The following TTN variants were observed in gnomAD, a reference collection of about 807,000 sequenced individuals.
TTN encodes the protein connectin.
Under a neutral mutation model 3,223.0 loss-of-function variants are expected in TTN, and 1,525 were observed. The ratio of observed to expected loss-of-function variants is 0.47; its 90% confidence interval spans 0.45 to 0.49. TTN has a LOEUF of 0.49. Among genes scored for constraint, TTN ranks in the 20% least tolerant of loss-of-function variants. The probability of loss-of-function intolerance (pLI) is 0.00; values close to 1 mark genes in which losing one functional copy is unlikely to be tolerated. For synonymous variants in TTN, 14,094 were observed against 15,161.0 expected (o/e 0.93, Z 5.17); for missense variants, 40,786 against 43,424.0 (o/e 0.94, Z 5.40).
At position 178,679,966 on chromosome 2, in the gene TTN, C is replaced by T. The variant is rs766392287; in HGVS notation, c.33508G>A (p.Glu11170Lys). Residue 11170 changes from glutamate (E) to lysine (K), a missense_variant, in exon 140 of 363, where the codon GAA becomes AAA. Coordinates refer to ENST00000589042, the MANE Select transcript of TTN (RefSeq NM_001267550.2). ...TCTTCTTCATGAATGTACTCTTCTTCTTCTTCTACAAGATATTCTTCTACA... is the reference window on the plus strand; with the variant it reads ...TCTTCTTCATGAATGTACTCTTCTTTTTCTTCTACAAGATATTCTTCTACA... Reference protein sequence around the residue: ...THVEEYLVEEEEEYIHEEEEF... With the variant: ...THVEEYLVEEKEEYIHEEEEF... 10 of 1,613,092 alleles carry T rather than the reference C, an allele frequency of 6.2e-6. No individual in the cohort carries two copies. Among genetic ancestry groups the T allele is most frequent in the Non-Finnish European group, 7.6e-6 (9 of 1,179,428 alleles).
In TTN at chr2:178,723,908, C is replaced by G. The variant is rs757641301; in HGVS notation, c.21351G>C (p.Val7117=). The G allele has an allele frequency of 6.2e-7, 1 of 1,613,404 alleles. No homozygotes were observed. Among genetic ancestry groups the G allele is most frequent in the South Asian group, 1.1e-5 (1 of 91,048 alleles). ...CATCAGACCCAGCGACATTAGCAGCCACGCATGTGTAATTGCCCATATCTG... is the reference window on the plus strand; with the variant it reads ...CATCAGACCCAGCGACATTAGCAGCGACGCATGTGTAATTGCCCATATCTG... ...DSSDMGNYTC[V]AANVAGSDEC... The change falls in exon 73 of 363, where the codon GTG becomes GTC. Residue 7117 remains valine, a synonymous_variant. Transcript: ENST00000589042.
In TTN at chr2:178,799,472, C is replaced by G; in HGVS notation, c.914+15G>C. ...CAAAATGTGCAATAATCTGCTCTCT[C>G]TATGGCAGCTTTACCTGACCGGAGA... On this transcript the variant is annotated intron_variant, in intron 6 of 362. Coordinates refer to ENST00000589042, the MANE Select transcript of TTN (RefSeq NM_001267550.2). 1 of 1,614,084 alleles carries G rather than the reference C, an allele frequency of 6.2e-7. No homozygotes were observed. The highest frequency in any genetic ancestry group is 8.5e-7 in the Non-Finnish European group (1 of 1,180,010).
rs1432889079 is a variant in TTN, at chr2:178,584,726, G to A, written c.64915C>T (p.Arg21639Ter). 5.0e-6 allele frequency: 8 copies of A among 1,613,446 alleles called. No homozygotes were observed. Among genetic ancestry groups the A allele is most frequent in the Non-Finnish European group, 6.8e-6 (8 of 1,179,566 alleles). ...EYIFRVRAEN[R>*]FGISEPLTSP... ...GTGAGAGGCTCTGAAATGCCAAATC[G>A]GTTTTCAGCACGGACCCGGAAGATG... is the stretch of plus-strand genomic sequence containing the variant. Residue 21639 changes from arginine (R) to a stop codon, truncating the protein, a stop_gained, in exon 310 of 363, where the codon CGA becomes TGA. Coordinates refer to ENST00000589042, the MANE Select transcript of TTN (RefSeq NM_001267550.2). LOFTEE classifies it high-confidence loss of function.
chr2:178,748,458 T>G, intron 47 of TTN: 1 of 1,613,180 alleles, frequency 6.2e-7, no homozygotes, highest in Non-Finnish European at 8.5e-7. Flanking sequence ...CTAGGAATTT[T>G]TTCTTTATAA....
Position 178,571,026 on chromosome 2 carries a change from T to G in TTN, c.75106A>C (p.Ser25036Arg). 2 of 1,612,680 alleles carry G rather than the reference T, an allele frequency of 1.2e-6. No individual in the cohort carries two copies. Among genetic ancestry groups the G allele is most frequent in the South Asian group, 2.2e-5 (2 of 91,046 alleles). ...TCAACAATATAACCAGTGATCTTGC[T>G]TCCACCGTCATAGGTGGGTTTCTTC... is the stretch of plus-strand genomic sequence containing the variant. ...QWKKPTYDGG[S>R]KITGYIVEKK... Residue 25036 changes from serine (S) to arginine (R), a missense_variant, in exon 326 of 363, where the codon AGC becomes CGC. Transcript: ENST00000589042.
At position 178,587,309 on chromosome 2, in the gene TTN, T is replaced by C; in HGVS notation, c.63902A>G (p.Tyr21301Cys). The change falls in exon 307 of 363, where the codon TAT (tyrosine) becomes TGT (cysteine). Residue 21301 changes from tyrosine (Y) to cysteine (C), a missense_variant. Physicochemically the swap from Tyr to Cys is radical, Grantham distance 194 (BLOSUM62 -2). Coordinates refer to ENST00000589042, the MANE Select transcript of TTN (RefSeq NM_001267550.2). ...ENDGGSQVTH[Y>C]IVEKREADRK... ...GTCTGCCTCACGTTTCTCCACGATA[T>C]AATGTGTCACTTGGCTCCCACCGTC... 6.2e-7 allele frequency: 1 copy of C among 1,613,042 alleles called. No individual in the cohort carries two copies. Among genetic ancestry groups the C allele is most frequent in the South Asian group, 1.1e-5 (1 of 91,056 alleles).
chr2:178,604,624 C>A (rs1576328141), intron 281 of TTN, 84 bp downstream of exon 281: 1 of 1,409,272 alleles, frequency 7.1e-7, no homozygotes, highest in East Asian at 2.3e-5. Flanking sequence ...GTTTAATTAT[C>A]AAATTCCAAG....
In TTN at chr2:178,722,359, T is replaced by A. The variant is rs1196470508; in HGVS notation, c.22428A>T (p.Leu7476Phe). 6 of 1,613,192 alleles carry A rather than the reference T, an allele frequency of 3.7e-6. No homozygotes were observed. Among genetic ancestry groups the A allele is most frequent in the Non-Finnish European group, 5.1e-6 (6 of 1,179,524 alleles). Residue 7476 changes from leucine (L) to phenylalanine (F), a missense_variant, in exon 77 of 363, where the codon TTA (leucine) becomes TTT (phenylalanine). By Grantham distance (22) the Leu-to-Phe change is conservative (BLOSUM62 0). Coordinates refer to ENST00000589042, the MANE Select transcript of TTN (RefSeq NM_001267550.2). ...QTSFVDNVAT[L>F]KILQTDLSHS... Reference sequence around the variant, plus strand: ...GACTCAAGTCAGTTTGCAAAATTTTTAAAGTTGCCACATTATCTACAAATG... The same window carrying A: ...GACTCAAGTCAGTTTGCAAAATTTTAAAAGTTGCCACATTATCTACAAATG...
chr2:178,792,240 C>A, intron 9 of TTN, 43 bp from the exon 10 acceptor site: 1 of 1,568,092 alleles, frequency 6.4e-7, no homozygotes, highest in South Asian at 1.2e-5. Context: ...TCCTGATGCC[C>A]AATGAAATAA....
chr2:178,734,776 C>A lies in TTN; in HGVS notation c.15148G>T (p.Gly5050Trp), dbSNP rs908686601. ...DITDVKVEDSGSYSCEAVNDV... is the reference protein window; with the variant it reads ...DITDVKVEDSWSYSCEAVNDV... ...TTCACTGCTTCACATGAGTAACTCCCACTGTCTTCAACTTTTACATCCGTA... is the reference window on the plus strand; with the variant it reads ...TTCACTGCTTCACATGAGTAACTCCAACTGTCTTCAACTTTTACATCCGTA... Residue 5050 changes from glycine to tryptophan, a missense_variant, in exon 51 of 363, where the codon GGG (glycine) becomes TGG (tryptophan). By Grantham distance (184) the Gly-to-Trp change is radical (BLOSUM62 -2). Transcript: ENST00000589042. The A allele has an allele frequency of 1.1e-5, 17 of 1,613,734 alleles. No individual in the cohort carries two copies. In the Admixed American group the frequency reaches 2.0e-4, roughly 19 times the overall value.
chr2:178,560,428 T>C lies in TTN; in HGVS notation c.85704A>G (p.Thr28568=). Residue 28568 remains threonine (T), a synonymous_variant, in exon 326 of 363, where the codon ACA becomes ACG. Coordinates refer to ENST00000589042, the MANE Select transcript of TTN (RefSeq NM_001267550.2). ...CACTCTCGGGTCTTGACCAGCAAAG[T>C]GTCATAGATTCTTTGGTCACAGAAG... The part of the protein sequence containing the change: ...EITSVTKESM[T]LCWSRPESDG... 1 of 1,613,698 alleles carries C rather than the reference T, an allele frequency of 6.2e-7. No homozygotes were observed. Among genetic ancestry groups the C allele is most frequent in the Admixed American group, 1.7e-5 (1 of 59,994 alleles).
At position 178,550,955 on chromosome 2, in the gene TTN, G is replaced by T; in HGVS notation, c.91564+12C>A. ...CTCTTAGTCTCATTGGAAATAAGTT[G>T]TAAATGCTTACCATTTTCATCTCTT... On this transcript the variant is annotated intron_variant, in intron 336 of 362. Transcript: ENST00000589042. The T allele has an allele frequency of 6.2e-7, 1 of 1,609,994 alleles. No homozygotes were observed. The highest frequency in any genetic ancestry group is 1.3e-5 in the African/African-American group (1 of 74,950).
At position 178,569,632 on chromosome 2, in the gene TTN, T is replaced by C. The variant is rs1707397536; in HGVS notation, c.76500A>G (p.Ile25500Met). 1 of 1,611,894 alleles carries C rather than the reference T, an allele frequency of 6.2e-7. No homozygotes were observed. The highest frequency in any genetic ancestry group is 8.5e-7 in the Non-Finnish European group (1 of 1,178,968). ...CTGGTGCTTCTAATTTTTCTTCAAC[T>C]ATAATAGGTCCAGGGACGTCAGCAT... ...GEHADVPGPI[I>M]VEEKLEAPDI... Residue 25500 changes from isoleucine (I) to methionine (M), a missense_variant, in exon 326 of 363, where the codon ATA (isoleucine) becomes ATG (methionine). Coordinates refer to ENST00000589042, the MANE Select transcript of TTN (RefSeq NM_001267550.2).
At position 178,548,333 on chromosome 2, in the gene TTN, A is replaced by T. The variant is rs886378576; in HGVS notation, c.93293T>A (p.Val31098Asp). The change falls in exon 339 of 363, where the codon GTT becomes GAT. Residue 31098 changes from valine to aspartate, a missense_variant. Coordinates refer to ENST00000589042, the MANE Select transcript of TTN (RefSeq NM_001267550.2). This position sits in a 1 kb window ranked among gnomAD's most constrained non-coding sequence, Gnocchi z 4.3. ...FRVSAVNEYGVGEPYEMPEPI... is the reference protein window; with the variant it reads ...FRVSAVNEYGDGEPYEMPEPI... Reference sequence around the variant, plus strand: ...TTCTGGCATTTCATAGGGCTCACCAACACCATACTCATTTACTGCAGAAAC... The same window carrying T: ...TTCTGGCATTTCATAGGGCTCACCATCACCATACTCATTTACTGCAGAAAC... The T allele has an allele frequency of 6.2e-7, 1 of 1,613,868 alleles. No individual in the cohort carries two copies. The highest frequency in any genetic ancestry group is 8.5e-7 in the Non-Finnish European group (1 of 1,179,818).
intron 98 of TTN, among the ~76,000 whole-genome samples, chr2:178,710,112 G>C (rs1222976343): frequency 1.3e-5 from 2 of 152,092 alleles, no homozygotes; most frequent in African/African-American, 4.8e-5. Flanking sequence ...AAAAAGAAGG[G>C]GTAGTCTCAG....
Position 178,613,065 on chromosome 2 carries a change from T to C in TTN, c.49656A>G (p.Pro16552=), listed in dbSNP as rs982034509. 2.2e-5 allele frequency: 35 copies of C among 1,612,414 alleles called. No individual in the cohort carries two copies. The highest frequency in any genetic ancestry group is 3.3e-5 in the South Asian group (3 of 91,026). The change falls in exon 265 of 363, where the codon CCA becomes CCG. Residue 16552 remains proline (P), a synonymous_variant. Transcript: ENST00000589042. Reference sequence around the variant, plus strand: ...TTACAGTTGGTTTTCCAGGGGGCCATGGAGGATCTGCAAGCCAATGAAATC... The same window carrying C: ...TTACAGTTGGTTTTCCAGGGGGCCACGGAGGATCTGCAAGCCAATGAAATC... The part of the protein sequence containing the change: ...PILIKDPIDP[P]WPPGKPTVKD...
At chr2:178,669,778 C>T (rs2066648828) in intron 157 of TTN, 103 bp from the exon 158 acceptor site, 3 of 1,116,142 alleles carry the variant, frequency 2.7e-6, no homozygotes, top group South Asian at 1.3e-5. Context: ...CCAAAAACCC[C>T]TCAATTATAA....
rs1314840419 is a variant in TTN at position 178,720,230 on chromosome 2, G to T, written c.23412C>A (p.Thr7804=). 6.2e-7 allele frequency: 1 copy of T among 1,612,750 alleles called. No individual in the cohort carries two copies. The highest frequency in any genetic ancestry group is 1.1e-5 in the South Asian group (1 of 90,876). ...CAACAGCATCCCCAATAAGGGTTGA[G>T]GTGTCACTTAGCTTTTTCACGAATC... ...PPRFVKKLSD[T]STLIGDAVEL... Residue 7804 remains threonine, a synonymous_variant, in exon 81 of 363, where the codon ACC becomes ACA. Transcript: ENST00000589042.
rs1688663690 is a variant in TTN at position 178,530,564 on chromosome 2, C to G, written c.106051G>C (p.Glu35351Gln). Residue 35351 changes from glutamate to glutamine, a missense_variant, in exon 358 of 363, where the codon GAA becomes CAA. By Grantham distance (29) the Glu-to-Gln change is conservative. Transcript: ENST00000589042. The stretch of plus-strand genomic sequence containing the variant: ...CAAACATATTCTCCTTGATCAGATT[C>G]AGTGAGGTTATTGATTTTGAGCTCA... ...TYELKINNLT[E>Q]SDQGEYVCEI... 2 of 1,614,004 alleles carry G rather than the reference C, an allele frequency of 1.2e-6. No homozygotes were observed. The highest frequency in any genetic ancestry group is 3.3e-4 in the Middle Eastern group (2 of 6,062).
Sources: gnomAD v4.1 joint callset for allele counts (sites outside exome capture counted in the v4.1 genomes callset) on GRCh38, gnomAD v4.1.1 for gene constraint, Gnocchi (gnomAD v3.1) non-coding constraint, MANE v1.5 for transcripts, NCBI Gene and HGNC (gene_info 2026-07-23, HGNC 2026-07-21) for gene names.